Variants in RBM5 observed in about 807,000 individuals in gnomAD.
RBM5 encodes the protein RNA-binding protein 5.
RBM5 carries 15 observed loss-of-function variants against 124.6 expected under a neutral mutation model. That is an observed-to-expected ratio of 0.12 (90% confidence interval 0.08 to 0.19). The LOEUF is 0.19. Among genes scored for constraint, RBM5 ranks in the 10% least tolerant of loss-of-function variants. RBM5 has a pLI of 1.00. For missense variants in RBM5, 580 were observed against 1,026.5 expected, an observed-to-expected ratio of 0.57 and a Z score of 5.94; for synonymous variants, 337 against 361.2, an observed-to-expected ratio of 0.93 and a Z score of 0.76.
At chr3:50,111,424 A>AT (rs1183603581) in intron 17 of RBM5, among the ~76,000 whole-genome samples, 5 of 151,436 alleles carry the variant, frequency 3.3e-5, no homozygotes, top group Admixed American at 1.3e-4. Context: ...TGCTTTTTTT[A>AT]TTTTTTTTGT....
In RBM5 at chr3:50,117,443, A is replaced by T. The variant is rs1024960560; in HGVS notation, c.2322+64A>T. 7.2e-5 allele frequency: 115 copies of T among 1,599,876 alleles called. No homozygotes were observed. The highest frequency in any genetic ancestry group is 2.2e-4 in the Middle Eastern group (1 of 4,510). On this transcript the variant is annotated intron_variant, in intron 24 of 24. Coordinates refer to ENST00000347869, the MANE Select transcript of RBM5 (RefSeq NM_005778.4). This position sits in a 1 kb window ranked among gnomAD's most constrained non-coding sequence, Gnocchi z 4.2. Reference sequence around the variant, plus strand: ...ACAGGCCGGTTCCAGAGATGAGATCAGAGCACTCATAGAGCCTGGGAGCCA... The same window carrying T: ...ACAGGCCGGTTCCAGAGATGAGATCTGAGCACTCATAGAGCCTGGGAGCCA...
At chr3:50,104,204 G>T (rs374463143) in intron 7 of RBM5, 44 bp from the exon 8 acceptor site, 1 of 1,548,106 alleles carries the variant, frequency 6.5e-7, no homozygotes, top group Non-Finnish European at 8.9e-7. Context: ...TAGAAAGCCT[G>T]GCCTAATGTG....
intron 4 of RBM5, 113 bp from the exon 5 acceptor site, chr3:50,099,869 C>T (rs2090904384): frequency 1.1e-6 from 1 of 877,494 alleles, no homozygotes; most frequent in African/African-American, 1.8e-5. Context: ...CAGAGACTCC[C>T]ATCTTAAAAA....
intron 2 of RBM5, 158 bp from the exon 3 acceptor site, chr3:50,091,885 G>A: frequency 1.3e-6 from 1 of 755,212 alleles, no homozygotes; most frequent in Non-Finnish European, 2.3e-6. Flanking sequence ...TTTCCCAGTG[G>A]TTATCTTAGT....
At position 50,117,513 on chromosome 3, in the gene RBM5, G is replaced by A; in HGVS notation, c.2322+134G>A. 7.9e-7 allele frequency: 1 copy of A among 1,261,958 alleles called. No individual in the cohort carries two copies. 78.2% of individuals were successfully genotyped at this position (1,261,958 alleles called of 1,614,324 possible). On this transcript the variant is annotated intron_variant, in intron 24 of 24. Coordinates refer to ENST00000347869, the MANE Select transcript of RBM5 (RefSeq NM_005778.4). The surrounding 1 kb of genome is among the most constrained non-coding windows in gnomAD (Gnocchi z 4.2). Reference sequence around the variant, plus strand: ...ATGAAGGGGCAGATTACAGGCATGAGCTCACACCTGTAATCCCAGCACTTT... The same window carrying A: ...ATGAAGGGGCAGATTACAGGCATGAACTCACACCTGTAATCCCAGCACTTT...
chr3:50,099,315 A>C (rs1475891362), intron 4 of RBM5, among the ~76,000 whole-genome samples: 1 of 151,992 alleles, frequency 6.6e-6, no homozygotes, highest in Non-Finnish European at 1.5e-5. Flanking sequence ...ACATTTAATG[A>C]ATGCCTTCAG....
intron 20 of RBM5, chr3:50,115,146 C>T (rs1224459555): frequency 3.1e-6 from 1 of 322,996 alleles, no homozygotes; most frequent in African/African-American, 2.3e-5. Context: ...CCAGCCTGGG[C>T]AACAGAGCGA....
At chr3:50,092,734 G>C in intron 3 of RBM5, 1 of 453,876 alleles carries the variant, frequency 2.2e-6, no homozygotes, top group Non-Finnish European at 4.4e-6. Flanking sequence ...TATTAGTTCT[G>C]TGTTTTGAAA....
chr3:50,108,938 A>G (rs1036885766), intron 14 of RBM5, among the ~76,000 whole-genome samples: 1 of 152,168 alleles, frequency 6.6e-6, no homozygotes, highest in Non-Finnish European at 1.5e-5. Context: ...GGCCCTGGAG[A>G]CTGGTGCTCA....
chr3:50,116,074 G>T (rs546274790), intron 22 of RBM5, 94 bp downstream of exon 22: 3 of 1,249,554 alleles, frequency 2.4e-6, no homozygotes, highest in East Asian at 2.4e-5. Context: ...CAGGGGCAGG[G>T]TAGGAGGATT....
chr3:50,110,673 T>C lies in RBM5; in HGVS notation c.1364-6T>C, dbSNP rs761221173. 3 of 1,608,344 alleles carry C rather than the reference T, an allele frequency of 1.9e-6. No homozygotes were observed. The highest frequency in any genetic ancestry group is 1.3e-5 in the African/African-American group (1 of 74,754). ...AATGACTGTATGCTGGATTTTGTTT[T>C]TGCAGCAGTACCTGACACGTCCACT... is the stretch of plus-strand genomic sequence containing the variant. On this transcript the variant is annotated splice_region_variant and splice_polypyrimidine_tract_variant and intron_variant, in intron 16 of 24. Transcript: ENST00000347869.
At chr3:50,110,018 C>T (rs2091113449) in intron 15 of RBM5, among the ~76,000 whole-genome samples, 1 of 152,178 alleles carries the variant, frequency 6.6e-6, no homozygotes. Context: ...CAAGACCATC[C>T]TGGCTAACAC....
Position 50,118,326 on chromosome 3 carries a change from C to T in RBM5, c.2323-5C>T, listed in dbSNP as rs972702404. ...TCCCAGCTGACAGTCTCTGTGCTTTCCCAGGCTCAAGTTCGGCTAAAGGGA... is the reference window on the plus strand; with the variant it reads ...TCCCAGCTGACAGTCTCTGTGCTTTTCCAGGCTCAAGTTCGGCTAAAGGGA... On this transcript the variant is annotated splice_polypyrimidine_tract_variant and splice_region_variant and intron_variant, in intron 24 of 24. Transcript: ENST00000347869. 2 of 1,613,980 alleles carry T rather than the reference C, an allele frequency of 1.2e-6. No individual in the cohort carries two copies. The highest frequency in any genetic ancestry group is 3.3e-5 in the Admixed American group (2 of 59,986).
rs769444383 is a variant in RBM5 at position 50,105,569 on chromosome 3, G to T, written c.715G>T (p.Ala239Ser). ...CCTAGCGATCATTCTTCGGAACATAGCTCCGCACACTGTGGTGGATTCCAT... is the reference window on the plus strand; with the variant it reads ...CCTAGCGATCATTCTTCGGAACATATCTCCGCACACTGTGGTGGATTCCAT... ...YCDTIILRNI[A>S]PHTVVDSIMT... Residue 239 changes from alanine to serine, a missense_variant, in exon 10 of 25, where the codon GCT (alanine) becomes TCT (serine). Physicochemically the swap from Ala to Ser is moderately conservative, Grantham distance 99. Around this residue, in one of 6 missense-constraint regions of RBM5, gnomAD observed 101 missense variants for 223.2 expected, o/e 0.45. Transcript: ENST00000347869. 1.9e-6 allele frequency: 3 copies of T among 1,614,098 alleles called. No individual in the cohort carries two copies. Among genetic ancestry groups the T allele is most frequent in the Middle Eastern group, 1.7e-4 (1 of 6,052 alleles).
intron 18 of RBM5, 58 bp downstream of exon 18, chr3:50,113,602 G>C: frequency 1.3e-6 from 2 of 1,508,148 alleles, no homozygotes; most frequent in Non-Finnish European, 1.8e-6. Context: ...CTTAGTTTTG[G>C]GGTTGTAGCA....
intron 15 of RBM5, 150 bp downstream of exon 15, chr3:50,109,838 T>G (rs2109011631): frequency 1.7e-6 from 1 of 574,912 alleles, no homozygotes; most frequent in Middle Eastern, 4.4e-4. Context: ...ATATTAATTT[T>G]ATGATATATA....
rs781643390 is a variant in RBM5 at position 50,118,468 on chromosome 3, A to C, written c.*12A>C. ...CTGAGATGGAGTGAGAGAGAGAGAG[A>C]GAGAGAGATGACAAGGAGCACAAGA... On this transcript the variant is annotated 3_prime_UTR_variant, in exon 25 of 25. Coordinates refer to ENST00000347869, the MANE Select transcript of RBM5 (RefSeq NM_005778.4). The C allele has an allele frequency of 5.6e-6, 9 of 1,612,836 alleles. No individual in the cohort carries two copies. The highest frequency in any genetic ancestry group is 6.8e-6 in the Non-Finnish European group (8 of 1,179,368).
chr3:50,094,125 C>T lies in RBM5; in HGVS notation c.339+250C>T, dbSNP rs2090760920. 2.3e-5 allele frequency: 7 copies of T among 310,858 alleles called. No homozygotes were observed. The South Asian group carries it at 2.8e-4, about 12-fold the overall frequency. 19.3% of individuals were successfully genotyped at this position (310,858 alleles called of 1,614,324 possible). Reference sequence around the variant, plus strand: ...GTATTTTGTATATGTCTTATACATGCCAAAGGTAATTTTATACAACACTTT... The same window carrying T: ...GTATTTTGTATATGTCTTATACATGTCAAAGGTAATTTTATACAACACTTT... On this transcript the variant is annotated intron_variant, in intron 4 of 24. Transcript: ENST00000347869.
At chr3:50,115,698 C>T (rs1032883742) in intron 21 of RBM5, 91 bp downstream of exon 21, 11 of 1,437,522 alleles carry the variant, frequency 7.7e-6, no homozygotes, top group South Asian at 5.4e-5. Flanking sequence ...CCAAAAATAC[C>T]TGCCATCTAA....
Sources: gnomAD v4.1 joint callset for allele counts (sites outside exome capture counted in the v4.1 genomes callset) on GRCh38, gnomAD v4.1.1 for gene constraint, gnomAD v4.1.1 regional missense constraint, Gnocchi (gnomAD v3.1) non-coding constraint, MANE v1.5 for transcripts, NCBI Gene and HGNC (gene_info 2026-07-23, HGNC 2026-07-21) for gene names.